Variants in EYS observed in about 807,000 individuals in gnomAD.
EYS encodes the protein protein eyes shut homolog.
A neutral mutation model predicts 282.1 loss-of-function variants in EYS; 250 were observed. The ratio of observed to expected loss-of-function variants is 0.89; its 90% confidence interval spans 0.80 to 0.98. EYS has a LOEUF of 0.98. EYS is among the 50% of genes least tolerant of loss of function. The pLI, the probability that EYS is intolerant of heterozygous loss-of-function variation, is 0.00. For synonymous variants in EYS, 1,355 were observed against 1,282.9 expected, an observed-to-expected ratio of 1.06 and a Z score of -1.20; for missense variants, 4,016 against 3,709.0, an observed-to-expected ratio of 1.08 and a Z score of -2.15.
intron 14 of EYS, among the ~76,000 whole-genome samples, chr6:64,990,904 T>A (rs1353558806): frequency 1.3e-5 from 2 of 151,594 alleles, no homozygotes; most frequent in Non-Finnish European, 3.0e-5. Context: ...ATTTTGCATG[T>A]AATCCTGATA....
chr6:65,080,580 T>A (rs1437498901), intron 12 of EYS, among the ~76,000 whole-genome samples: 2 of 152,100 alleles, frequency 1.3e-5, no homozygotes, highest in Non-Finnish European at 2.9e-5. Context: ...TGTGGCTCAC[T>A]ATGGGCAGCT....
chr6:64,146,661 C>T (rs544930236), intron 31 of EYS, among the ~76,000 whole-genome samples: 2 of 152,154 alleles, frequency 1.3e-5, no homozygotes, highest in Admixed American at 6.6e-5. Context: ...TAATAGAAGG[C>T]TGGGACATTT....
At chr6:65,034,765 T>C (rs1007532343) in intron 13 of EYS, among the ~76,000 whole-genome samples, 3 of 152,084 alleles carry the variant, frequency 2.0e-5, no homozygotes, top group African/African-American at 4.8e-5. Context: ...TATTTATTTA[T>C]AGCAATATAA....
intron 1 of EYS, among the ~76,000 whole-genome samples, chr6:65,686,902 T>C (rs146070739): frequency 7.0e-4 from 106 of 152,016 alleles, no homozygotes; most frequent in African/African-American, 2.4e-3. Context: ...GGTGACAACA[T>C]GAAAAATTGA....
chr6:64,036,256 T>C (rs2149833757), intron 33 of EYS, among the ~76,000 whole-genome samples: 1 of 152,192 alleles, frequency 6.6e-6, no homozygotes, highest in South Asian at 2.1e-4. Flanking sequence ...GATAGGACTG[T>C]TAAGGGTGAT....
At chr6:65,545,183 A>G (rs1768335706) in intron 2 of EYS, among the ~76,000 whole-genome samples, 1 of 151,948 alleles carries the variant, frequency 6.6e-6, no homozygotes, top group Admixed American at 6.6e-5. Flanking sequence ...TCAGCTTCCC[A>G]AAGTTCTAGA....
chr6:64,745,363 T>G (rs1772520922), intron 22 of EYS, among the ~76,000 whole-genome samples: 2 of 152,104 alleles, frequency 1.3e-5, no homozygotes, highest in Non-Finnish European at 2.9e-5. Flanking sequence ...ATGTGCAAAA[T>G]AAAAAATGCA....
intron 13 of EYS, among the ~76,000 whole-genome samples, chr6:65,033,128 T>A (rs1481094226): frequency 3.3e-5 from 5 of 152,156 alleles, no homozygotes; most frequent in African/African-American, 1.2e-4. Flanking sequence ...AGCAGCCAAG[T>A]GTTCAAGATG....
At chr6:64,041,699 G>A (rs1201649860) in intron 33 of EYS, among the ~76,000 whole-genome samples, 2 of 152,172 alleles carry the variant, frequency 1.3e-5, no homozygotes, top group African/African-American at 4.8e-5. Context: ...GGAAATTGGA[G>A]AAACTGTGAC....
intron 31 of EYS, among the ~76,000 whole-genome samples, chr6:64,198,714 T>G (rs940935523): frequency 3.9e-5 from 6 of 152,238 alleles, no homozygotes; most frequent in Non-Finnish European, 7.3e-5. Context: ...ATTTTCTTTA[T>G]CCAGTCTATC....
At chr6:64,159,227 C>T (rs1775025688) in intron 31 of EYS, among the ~76,000 whole-genome samples, 1 of 152,000 alleles carries the variant, frequency 6.6e-6, no homozygotes, top group Non-Finnish European at 1.5e-5. Flanking sequence ...CTAGGTTAAT[C>T]GTTATTATAA....
intron 12 of EYS, among the ~76,000 whole-genome samples, chr6:65,085,589 A>G (rs1032821421): frequency 1.3e-5 from 2 of 152,136 alleles, no homozygotes; most frequent in Non-Finnish European, 1.5e-5. Flanking sequence ...GATAACTGAA[A>G]TATGCCCAGA....
chr6:64,185,983 C>T (rs964619523), intron 31 of EYS, among the ~76,000 whole-genome samples: 1 of 152,134 alleles, frequency 6.6e-6, no homozygotes, highest in African/African-American at 2.4e-5. Context: ...TAAAAAGCAT[C>T]ATTGTGATTT....
At chr6:64,693,613 C>A (rs1770473706) in intron 22 of EYS, among the ~76,000 whole-genome samples, 2 of 151,166 alleles carry the variant, frequency 1.3e-5, no homozygotes, top group South Asian at 2.1e-4. Flanking sequence ...AATTTTGAAT[C>A]CTCACATCAT....
chr6:64,993,565 G>A (rs1274939981), intron 14 of EYS, among the ~76,000 whole-genome samples: 1 of 129,090 alleles, frequency 7.7e-6, no homozygotes, highest in African/African-American at 2.9e-5. Flanking sequence ...ATCACACACT[G>A]GGGTCTCTTG....
At chr6:63,981,966 A>G (rs1038223593) in intron 35 of EYS, among the ~76,000 whole-genome samples, 1 of 151,818 alleles carries the variant, frequency 6.6e-6, no homozygotes, top group Admixed American at 6.6e-5. Context: ...TAAATCTAGG[A>G]CTGCTTATAT....
At chr6:64,444,518 G>A (rs1343162809) in intron 26 of EYS, among the ~76,000 whole-genome samples, 1 of 152,020 alleles carries the variant, frequency 6.6e-6, no homozygotes, top group East Asian at 1.9e-4. Flanking sequence ...AAATTCAGTG[G>A]CTTTTTCATT....
At chr6:64,448,773 C>T (rs1369692444) in intron 26 of EYS, among the ~76,000 whole-genome samples, 7 of 152,176 alleles carry the variant, frequency 4.6e-5, no homozygotes, top group Non-Finnish European at 8.8e-5. Context: ...CAGTAAACTC[C>T]AACAGACCTG....
At chr6:64,067,416 T>C (rs1190175820) in intron 32 of EYS, among the ~76,000 whole-genome samples, 1 of 152,158 alleles carries the variant, frequency 6.6e-6, no homozygotes, top group East Asian at 1.9e-4. Flanking sequence ...AAGTAACCAC[T>C]ATCTTGATGT....
Sources: allele counts gnomAD v4.1 joint callset (sites outside exome capture counted in the v4.1 genomes callset), GRCh38; gene constraint gnomAD v4.1.1; transcripts MANE v1.5; gene names NCBI Gene and HGNC (gene_info 2026-07-23, HGNC 2026-07-21).